RALGAPA1: variants seen among roughly 807,000 people sequenced by gnomAD.
RALGAPA1 encodes ral GTPase-activating protein subunit alpha-1.
RALGAPA1 carries 52 observed loss-of-function variants against 269.6 expected under a neutral mutation model. The ratio of observed to expected loss-of-function variants is 0.19; its 90% CI spans 0.15 to 0.24. The LOEUF is 0.24. Among genes scored for constraint, RALGAPA1 ranks in the 10% least tolerant of loss-of-function variants. The pLI, the probability that RALGAPA1 is intolerant of heterozygous loss-of-function variation, is 1.00. For missense variants in RALGAPA1, 1,917 were observed against 3,013.9 expected (o/e 0.64, Z 8.52); for synonymous variants, 817 against 1,008.3 (o/e 0.81, Z 3.60).
chr14:35,785,598 C>G (rs572635925), intron 1 of RALGAPA1, among the ~76,000 whole-genome samples: 10 of 152,132 alleles, frequency 6.6e-5, no homozygotes, highest in Non-Finnish European at 1.3e-4. Flanking sequence ...TGTGAAGGAC[C>G]AGTTTTTTTG....
chr14:35,751,996 C>T, intron 8 of RALGAPA1, 28 bp downstream of exon 8: 1 of 1,561,710 alleles, frequency 6.4e-7, no homozygotes, highest in Non-Finnish European at 8.6e-7. Context: ...TAAGTGTGAT[C>T]TTTCAGAAAA....
In RALGAPA1 at chr14:35,807,155, T is replaced by C. The variant is rs79400243; in HGVS notation, c.106+1575A>G. 0.021 allele frequency among the ~76,000 whole-genome samples: 3,202 copies of C among 152,284 alleles called. 242 individuals are homozygous for C. The East Asian group carries it at 0.27, about 13-fold the overall frequency. On this transcript the variant is annotated intron_variant, in intron 1 of 41. Coordinates refer to ENST00000680220, the MANE Select transcript of RALGAPA1 (RefSeq NM_001346249.2). Reference sequence around the variant, plus strand: ...CTTTATTGGAACTCAACTTTATAGCTGTGTCATTACCTAACCTACAGCTTA... The same window carrying C: ...CTTTATTGGAACTCAACTTTATAGCCGTGTCATTACCTAACCTACAGCTTA...
chr14:35,708,109 C>G (rs2067968116), intron 16 of RALGAPA1, among the ~76,000 whole-genome samples: 1 of 151,922 alleles, frequency 6.6e-6, no homozygotes, highest in Non-Finnish European at 1.5e-5. Context: ...AGAAATCAAA[C>G]AAAAATGGAT....
At chr14:35,742,665 A>C in intron 10 of RALGAPA1, 100 bp from the exon 11 acceptor site, 1 of 829,226 alleles carries the variant, frequency 1.2e-6, no homozygotes, top group Non-Finnish European at 2.0e-6. Flanking sequence ...ATTCTTGGAA[A>C]CTGCAACTTT....
At chr14:35,621,501 A>C (rs1425573176) in intron 35 of RALGAPA1, among the ~76,000 whole-genome samples, 1 of 152,226 alleles carries the variant, frequency 6.6e-6, no homozygotes, top group Non-Finnish European at 1.5e-5. Flanking sequence ...ACAAAAGCCA[A>C]AATTGACAAA....
intron 36 of RALGAPA1, among the ~76,000 whole-genome samples, chr14:35,596,066 A>G (rs950599755): frequency 6.6e-6 from 1 of 152,086 alleles, no homozygotes; most frequent in Non-Finnish European, 1.5e-5. Flanking sequence ...GGTAAATTAT[A>G]AAGGCTGTCA....
chr14:35,618,128 A>G (rs1350416108), intron 35 of RALGAPA1, among the ~76,000 whole-genome samples: 2 of 152,198 alleles, frequency 1.3e-5, no homozygotes, highest in African/African-American at 4.8e-5. Flanking sequence ...AACAGATAAT[A>G]TTCATGTTAT....
intron 10 of RALGAPA1, among the ~76,000 whole-genome samples, chr14:35,748,177 A>G (rs935475395): frequency 3.9e-5 from 6 of 152,050 alleles, no homozygotes; most frequent in East Asian, 1.9e-4. Context: ...AAAGTATCAC[A>G]AACTAAAATA....
chr14:35,750,638 A>G lies in RALGAPA1; in HGVS notation c.855T>C (p.Ala285=). ...KPHYVVIKKD[A]ETNEAIYCTK... ...TACAATAGATTGCTTCATTGGTTTC[A>G]GCATCTTTCTTTATCACGACATAAT... Residue 285 remains alanine, a synonymous_variant, in exon 9 of 42, where the codon GCT becomes GCC. Coordinates refer to ENST00000680220, the MANE Select transcript of RALGAPA1 (RefSeq NM_001346249.2). The G allele has an allele frequency of 3.1e-6, 5 of 1,613,486 alleles. No individual in the cohort carries two copies. Among genetic ancestry groups the G allele is most frequent in the Non-Finnish European group, 4.2e-6 (5 of 1,179,600 alleles).
chr14:35,560,830 A>G (rs1472256083), intron 39 of RALGAPA1, among the ~76,000 whole-genome samples: 1 of 152,226 alleles, frequency 6.6e-6, no homozygotes. Context: ...CTTTACTATT[A>G]TCACAAAGTT....
At chr14:35,802,270 T>C (rs528046259) in intron 1 of RALGAPA1, among the ~76,000 whole-genome samples, 28 of 152,232 alleles carry the variant, frequency 1.8e-4, no homozygotes, top group Admixed American at 3.9e-4. Flanking sequence ...ATCATGCCAC[T>C]GCACTCCAGC....
intron 37 of RALGAPA1, among the ~76,000 whole-genome samples, chr14:35,576,226 G>T (rs534936763): frequency 6.6e-6 from 1 of 152,274 alleles, no homozygotes; most frequent in East Asian, 1.9e-4. Flanking sequence ...ACCCACAGTG[G>T]GGCTGTTTCT....
At chr14:35,779,903 C>CATG (rs2075316371) in intron 1 of RALGAPA1, among the ~76,000 whole-genome samples, 1 of 152,154 alleles carries the variant, frequency 6.6e-6, no homozygotes, top group South Asian at 2.1e-4. Flanking sequence ...GTGGGCGGAT[C>CATG]ATGAGGTTAA....
chr14:35,600,526 C>G (rs771343939), intron 36 of RALGAPA1, among the ~76,000 whole-genome samples: 11 of 152,126 alleles, frequency 7.2e-5, no homozygotes, highest in Non-Finnish European at 4.4e-5. Flanking sequence ...CCACCATGCC[C>G]AGCCTAAGTT....
chr14:35,593,870 AATATT>A (rs889805875), intron 37 of RALGAPA1, among the ~76,000 whole-genome samples: 43 of 151,800 alleles, frequency 2.8e-4, no homozygotes, highest in African/African-American at 1.0e-3. Flanking sequence ...AAATAAATAA[AATATT>A]ATATTATATT....
intron 39 of RALGAPA1, among the ~76,000 whole-genome samples, chr14:35,554,635 C>T (rs369203712): frequency 2.8e-4 from 42 of 152,198 alleles, no homozygotes; most frequent in Non-Finnish European, 4.6e-4. Context: ...CGTGAGCCAC[C>T]GCGCCCGGCC....
intron 16 of RALGAPA1, among the ~76,000 whole-genome samples, chr14:35,717,058 C>G (rs904468717): frequency 6.6e-6 from 1 of 152,210 alleles, no homozygotes; most frequent in Non-Finnish European, 1.5e-5. Flanking sequence ...AGGTTCCTCT[C>G]TTTAGAGGGC....
intron 3 of RALGAPA1, among the ~76,000 whole-genome samples, chr14:35,772,056 G>C (rs1482915412): frequency 6.6e-6 from 1 of 152,032 alleles, no homozygotes; most frequent in East Asian, 1.9e-4. Flanking sequence ...AGGTATGAGA[G>C]CAAATTTTTT....
chr14:35,585,261 C>CA (rs2139670866), intron 37 of RALGAPA1, among the ~76,000 whole-genome samples: 1 of 152,158 alleles, frequency 6.6e-6, no homozygotes, highest in South Asian at 2.1e-4. Flanking sequence ...TTCGGAAATT[C>CA]AAAAGAACAG....
Sources: allele counts gnomAD v4.1 joint callset (sites outside exome capture counted in the v4.1 genomes callset), GRCh38; gene constraint gnomAD v4.1.1; transcripts MANE v1.5; gene names NCBI Gene and HGNC (gene_info 2026-07-23, HGNC 2026-07-21).